Variants in ZFHX3 observed in about 807,000 individuals in gnomAD.
ZFHX3 encodes zinc finger homeobox 3, also known as zinc finger homeobox protein 3.
ZFHX3 carries 42 observed loss-of-function variants against 279.1 expected under a neutral mutation model. The observed-to-expected ratio is 0.15, with a 90% confidence interval of 0.12 to 0.19. ZFHX3 has a LOEUF of 0.19. Among genes scored for constraint, ZFHX3 ranks in the 10% least tolerant of loss-of-function variants. The pLI is 1.00. For missense variants in ZFHX3, 4,981 were observed against 4,754.0 expected (o/e 1.05, Z -1.40); for synonymous variants, 2,293 against 1,957.8 (o/e 1.17, Z -4.52).
chr16:73,250,674 C>T (rs1182815933), intron 5 of ZFHX3, among the ~76,000 whole-genome samples: 1 of 151,940 alleles, frequency 6.6e-6, no homozygotes, highest in Admixed American at 6.6e-5. Context: ...GTTGGGACTA[C>T]AGGTGCCCGC....
At chr16:73,496,778 A>C (rs1411698849) in intron 2 of ZFHX3, among the ~76,000 whole-genome samples, 1 of 151,662 alleles carries the variant, frequency 6.6e-6, no homozygotes, top group African/African-American at 2.4e-5. Context: ...GATTTGCCAA[A>C]TGGGAGGCAC....
At chr16:73,009,855 T>C (rs1048986465) in intron 1 of ZFHX3, among the ~76,000 whole-genome samples, 9 of 151,910 alleles carry the variant, frequency 5.9e-5, no homozygotes, top group African/African-American at 2.2e-4. Context: ...ACCCCGTCTC[T>C]AGTAAAAATA....
chr16:73,620,643 T>C (rs1055915221), intron 2 of ZFHX3, among the ~76,000 whole-genome samples: 1 of 152,214 alleles, frequency 6.6e-6, no homozygotes, highest in Non-Finnish European at 1.5e-5. Context: ...AAGTTCAGAA[T>C]TGATTCTTTT....
chr16:73,537,555 A>G (rs1268212515), intron 2 of ZFHX3, among the ~76,000 whole-genome samples: 3 of 151,974 alleles, frequency 2.0e-5, no homozygotes, highest in Admixed American at 1.3e-4. Flanking sequence ...TGACCTCGTG[A>G]TTCACCCGCC....
chr16:73,438,909 G>C (rs952720044), intron 3 of ZFHX3, among the ~76,000 whole-genome samples: 1 of 152,184 alleles, frequency 6.6e-6, no homozygotes, highest in Admixed American at 6.5e-5. Context: ...GCCAGGACCA[G>C]AGACAAAGGT....
intron 2 of ZFHX3, among the ~76,000 whole-genome samples, chr16:73,621,582 C>T (rs1028246358): frequency 7.2e-5 from 11 of 152,186 alleles, no homozygotes; most frequent in Middle Eastern, 3.4e-3. Context: ...AGCACAGCAT[C>T]GGGGAGGGAG....
chr16:73,636,308 A>G (rs1597039657), intron 2 of ZFHX3, among the ~76,000 whole-genome samples: 1 of 152,244 alleles, frequency 6.6e-6, no homozygotes, highest in Non-Finnish European at 1.5e-5. Context: ...GACAAATAAT[A>G]TAACTGTAAT....
At chr16:73,845,430 A>G (rs1044803691) in intron 1 of ZFHX3, among the ~76,000 whole-genome samples, 9 of 152,126 alleles carry the variant, frequency 5.9e-5, no homozygotes, top group Admixed American at 5.9e-4. Context: ...CCGTGCACTT[A>G]GCGAGTGGAT....
At chr16:73,328,318 A>C (rs1331299052) in intron 3 of ZFHX3, among the ~76,000 whole-genome samples, 4 of 152,166 alleles carry the variant, frequency 2.6e-5, no homozygotes, top group Non-Finnish European at 5.9e-5. Context: ...AGATAGGTAA[A>C]TCTGGTCAAT....
chr16:73,035,317 G>A (rs777348749), intron 1 of ZFHX3, among the ~76,000 whole-genome samples: 6 of 151,980 alleles, frequency 3.9e-5, no homozygotes, highest in Non-Finnish European at 5.9e-5. Context: ...AATTACCTAC[G>A]TGGCTTACAC....
At chr16:73,830,430 C>G (rs1028812782) in intron 1 of ZFHX3, among the ~76,000 whole-genome samples, 4 of 152,114 alleles carry the variant, frequency 2.6e-5, no homozygotes, top group African/African-American at 9.7e-5. Context: ...GGCTCCTCCC[C>G]CTCCAAATAA....
intron 1 of ZFHX3, among the ~76,000 whole-genome samples, chr16:73,822,776 C>A (rs761208034): frequency 6.6e-5 from 10 of 152,132 alleles, no homozygotes; most frequent in Non-Finnish European, 1.0e-4. Flanking sequence ...AGAAGAAGCC[C>A]CAGCTGGAAG....
intron 2 of ZFHX3, among the ~76,000 whole-genome samples, chr16:73,601,824 G>T (rs2052121511): frequency 6.6e-6 from 1 of 152,138 alleles, no homozygotes; most frequent in African/African-American, 2.4e-5. Context: ...TAGATGCTTA[G>T]AATAACATTT....
intron 2 of ZFHX3, among the ~76,000 whole-genome samples, chr16:73,531,573 G>C (rs2019802932): frequency 6.6e-6 from 1 of 151,668 alleles, no homozygotes; most frequent in African/African-American, 2.4e-5. Context: ...AAGTTAGCTG[G>C]GTATGGCAGC....
chr16:72,912,921 C>T (rs1244259501), intron 3 of ZFHX3, among the ~76,000 whole-genome samples: 1 of 152,130 alleles, frequency 6.6e-6, no homozygotes, highest in Non-Finnish European at 1.5e-5. Flanking sequence ...GACGGGGTTT[C>T]ACCACGTTGG....
intron 5 of ZFHX3, among the ~76,000 whole-genome samples, chr16:73,242,216 A>T (rs1020126637): frequency 1.3e-5 from 2 of 152,182 alleles, no homozygotes; most frequent in African/African-American, 4.8e-5. Context: ...AACCAGCACA[A>T]GTATCACAAA....
intron 3 of ZFHX3, among the ~76,000 whole-genome samples, chr16:73,413,174 T>C (rs936892375): frequency 6.6e-6 from 1 of 152,114 alleles, no homozygotes; most frequent in African/African-American, 2.4e-5. Flanking sequence ...ATGAAGAAGA[T>C]GGTTTGGAAT....
chr16:73,698,430 T>C (rs1226241676), intron 1 of ZFHX3, among the ~76,000 whole-genome samples: 1 of 152,032 alleles, frequency 6.6e-6, no homozygotes, highest in African/African-American at 2.4e-5. Context: ...CATTTGAGTC[T>C]CAAGAACTCA....
chr16:73,591,248 G>A (rs755089377), intron 2 of ZFHX3, among the ~76,000 whole-genome samples: 1 of 150,940 alleles, frequency 6.6e-6, no homozygotes, highest in Non-Finnish European at 1.5e-5. Flanking sequence ...AGCTACTCAG[G>A]AGGCTGAGGC....
Sources: gnomAD v4.1 joint callset for allele counts (sites outside exome capture counted in the v4.1 genomes callset) on GRCh38, gnomAD v4.1.1 for gene constraint, MANE v1.5 for transcripts, NCBI Gene and HGNC (gene_info 2026-07-23, HGNC 2026-07-21) for gene names.